PCDHA7: variants seen among roughly 807,000 people sequenced by gnomAD.
The protein encoded by PCDHA7 is protocadherin alpha 7.
Under a neutral mutation model 57.2 loss-of-function variants are expected in PCDHA7, and 37 were observed. That is an observed-to-expected ratio of 0.65 (90% CI 0.50 to 0.85). PCDHA7 has a LOEUF of 0.85. Ranked by LOEUF, PCDHA7 falls within the 40% of genes least tolerant of loss-of-function variation. The pLI is 0.00. For missense variants in PCDHA7, 1,188 were observed against 1,241.8 expected, an observed-to-expected ratio of 0.96 and a Z score of 0.65; for synonymous variants, 553 against 558.8, an observed-to-expected ratio of 0.99 and a Z score of 0.15.
At chr5:140,846,889 C>A (rs1378591011) in intron 1 of PCDHA7, among the ~76,000 whole-genome samples, 1 of 149,358 alleles carries the variant, frequency 6.7e-6, no homozygotes. Flanking sequence ...ATCAGAATGA[C>A]GTTGAAGTTG....
At chr5:140,992,188 T>C (rs1193005639) in intron 3 of PCDHA7, among the ~76,000 whole-genome samples, 6 of 152,140 alleles carry the variant, frequency 3.9e-5, no homozygotes, top group African/African-American at 1.4e-4. Flanking sequence ...ATGCTTTCAG[T>C]GATCTATCCA....
rs1484311028 is a variant in PCDHA7 at position 140,850,855 on chromosome 5, G to C, written c.2355+14117G>C. 8.1e-6 allele frequency: 13 copies of C among 1,595,270 alleles called. No individual in the cohort carries two copies. In the South Asian group the frequency reaches 1.4e-4, roughly 18 times the overall value. ...TGTGCTGGATCTACAGAGCGAACGG[G>C]AGAACCCTCTGCTTCCTCAGATTCA... On this transcript the variant is annotated intron_variant, in intron 1 of 3. Transcript: ENST00000525929.
chr5:140,967,278 G>T, intron 1 of PCDHA7: 1 of 1,613,408 alleles, frequency 6.2e-7, no homozygotes, highest in Non-Finnish European at 8.5e-7. Context: ...CACATAGAGA[G>T]TGCGCAGGAC....
At chr5:140,959,871 T>C (rs572861997) in intron 1 of PCDHA7, among the ~76,000 whole-genome samples, 1 of 152,322 alleles carries the variant, frequency 6.6e-6, no homozygotes, top group Admixed American at 6.5e-5. Flanking sequence ...GCAAAATCTG[T>C]CAAGGAATAC....
At chr5:140,883,538 G>A (rs782240531) in intron 1 of PCDHA7, 1 of 1,614,230 alleles carries the variant, frequency 6.2e-7, no homozygotes, top group Admixed American at 1.7e-5. Flanking sequence ...CTATGAACTG[G>A]TGGTGACCGC....
chr5:140,838,883 C>G (rs1775930205), intron 1 of PCDHA7, among the ~76,000 whole-genome samples: 1 of 151,746 alleles, frequency 6.6e-6, no homozygotes, highest in Non-Finnish European at 1.5e-5. Flanking sequence ...CCACTGAACT[C>G]CAGCCTAGGT....
At position 140,886,151 on chromosome 5, in the gene PCDHA7, T is replaced by G. The variant is rs184205776; in HGVS notation, c.2355+49413T>G. Reference sequence around the variant, plus strand: ...ACAACCAGATTCTTGATATCACCTTTTTATAGCCACATCTGCTTCCCTGCC... The same window carrying G: ...ACAACCAGATTCTTGATATCACCTTGTTATAGCCACATCTGCTTCCCTGCC... On this transcript the variant is annotated intron_variant, in intron 1 of 3. Coordinates refer to ENST00000525929, the MANE Select transcript of PCDHA7 (RefSeq NM_018910.3). Among the ~76,000 whole-genome samples, 468 of 152,312 alleles carry G rather than the reference T, an allele frequency of 3.1e-3. 3 individuals are homozygous for G. Among genetic ancestry groups the G allele is most frequent in the Middle Eastern group, 0.014 (4 of 294 alleles).
intron 1 of PCDHA7, among the ~76,000 whole-genome samples, chr5:140,972,660 ATTTTTTT>A (rs11350929): frequency 8.5e-6 from 1 of 117,268 alleles, no homozygotes; most frequent in Admixed American, 9.2e-5. Flanking sequence ...AAGAAACCAA[ATTTTTTT>A]TTTTTTTTTT....
chr5:141,000,417 ATATATTTTTT>A (rs2097924181), intron 3 of PCDHA7, among the ~76,000 whole-genome samples: 1 of 77,748 alleles, frequency 1.3e-5, no homozygotes, highest in Non-Finnish European at 2.3e-5. Context: ...ATATATATAT[ATATATTTTTT>A]TTTTTTTTTT....
At chr5:140,975,307 A>G (rs1190412792) in intron 1 of PCDHA7, among the ~76,000 whole-genome samples, 1 of 152,162 alleles carries the variant, frequency 6.6e-6, no homozygotes, top group Non-Finnish European at 1.5e-5. Context: ...AGCTCATGTG[A>G]TTATGTCAGT....
intron 3 of PCDHA7, among the ~76,000 whole-genome samples, chr5:141,008,087 A>G (rs1033572346): frequency 7.2e-5 from 11 of 152,172 alleles, no homozygotes; most frequent in African/African-American, 2.7e-4. Flanking sequence ...GTTATTCTAC[A>G]TGACAAAGAA....
At chr5:140,940,528 A>G (rs1190387049) in intron 1 of PCDHA7, among the ~76,000 whole-genome samples, 6 of 152,156 alleles carry the variant, frequency 3.9e-5, no homozygotes, top group African/African-American at 1.4e-4. Flanking sequence ...AGCTCACTGC[A>G]ATCTTGAATT....
intron 1 of PCDHA7, among the ~76,000 whole-genome samples, chr5:140,846,226 T>G (rs2150386125): frequency 1.3e-5 from 2 of 149,694 alleles, no homozygotes; most frequent in African/African-American, 4.9e-5. Context: ...ATAGTATTTT[T>G]CTTAAAAAGA....
At chr5:140,968,508 A>T in intron 1 of PCDHA7, 1 of 1,614,068 alleles carries the variant, frequency 6.2e-7, no homozygotes. Flanking sequence ...CACATTCTGT[A>T]CCCTACCTCA....
At chr5:140,899,795 G>A (rs551068307) in intron 1 of PCDHA7, among the ~76,000 whole-genome samples, 59 of 152,222 alleles carry the variant, frequency 3.9e-4, no homozygotes, top group Non-Finnish European at 7.5e-4. Flanking sequence ...ATTCGGCTGT[G>A]AATCCAATAT....
chr5:140,860,366 G>A (rs2046359217), intron 1 of PCDHA7: 1 of 152,102 alleles, frequency 6.6e-6, no homozygotes, highest in African/African-American at 2.4e-5. Flanking sequence ...GGATGACAAA[G>A]TGAGACCCTA....
At chr5:140,884,433 G>C in intron 1 of PCDHA7, 1 of 1,613,908 alleles carries the variant, frequency 6.2e-7, no homozygotes, top group Non-Finnish European at 8.5e-7. Context: ...ACTGCGCTGC[G>C]GTGCTCGGCA....
chr5:140,961,255 C>G (rs1446798989), intron 1 of PCDHA7, among the ~76,000 whole-genome samples: 1 of 152,164 alleles, frequency 6.6e-6, no homozygotes, highest in African/African-American at 2.4e-5. Context: ...TCCGAAGCTC[C>G]AGGAAGCTTC....
At chr5:140,876,361 C>T (rs1554168496) in intron 1 of PCDHA7, 1 of 1,613,880 alleles carries the variant, frequency 6.2e-7, no homozygotes. Flanking sequence ...TTCAATAAAT[C>T]CAGACACAGG....
Sources: gnomAD v4.1 joint callset for allele counts (sites outside exome capture counted in the v4.1 genomes callset) on GRCh38, gnomAD v4.1.1 for gene constraint, MANE v1.5 for transcripts, NCBI Gene and HGNC (gene_info 2026-07-23, HGNC 2026-07-21) for gene names.